The following PSMC5 variants were observed in gnomAD, a reference collection of about 807,000 sequenced individuals.
The protein encoded by PSMC5 is proteasome 26S subunit, ATPase 5, also known as 26S proteasome regulatory subunit 8.
PSMC5 carries 11 observed loss-of-function variants against 49.1 expected under a neutral mutation model. The observed-to-expected ratio is 0.22, with a 90% confidence interval of 0.14 to 0.37. PSMC5 has a LOEUF of 0.37. PSMC5 is among the 10% of genes least tolerant of loss of function. The pLI, the probability that PSMC5 is intolerant of heterozygous loss-of-function variation, is 1.00. For missense variants in PSMC5, 229 were observed against 520.9 expected (o/e 0.44, Z 5.45); for synonymous variants, 206 against 192.2 (o/e 1.07, Z -0.59).
At chr17:63,829,387 C>T in intron 2 of PSMC5, 107 bp from the exon 3 acceptor site, 1 of 962,278 alleles carries the variant, frequency 1.0e-6, no homozygotes, top group East Asian at 2.6e-5. Flanking sequence ...TGCAGGTGCC[C>T]TGTGCCCTTC....
At chr17:63,829,379 C>T in intron 2 of PSMC5, 115 bp from the exon 3 acceptor site, 1 of 861,048 alleles carries the variant, frequency 1.2e-6, no homozygotes, top group Non-Finnish European at 1.9e-6. Context: ...AAACAACATG[C>T]AGGTGCCCTG....
intron 1 of PSMC5, chr17:63,827,772 G>A: frequency 1.4e-6 from 2 of 1,432,246 alleles, no homozygotes; most frequent in Non-Finnish European, 1.8e-6. Flanking sequence ...CCGGCCCACG[G>A]GTCGCAGGAG....
In PSMC5 at chr17:63,830,684, C is replaced by G. The variant is rs2040172481; in HGVS notation, c.553-125C>G. ...GGTGAGGTGGTTTGGATAGAAGGGA[C>G]CTTGATGTTCCTTTTTTTTTTTTGT... On this transcript the variant is annotated intron_variant, in intron 6 of 11. Coordinates refer to ENST00000310144, the MANE Select transcript of PSMC5 (RefSeq NM_002805.6). This position sits in a 1 kb window ranked among gnomAD's most constrained non-coding sequence, Gnocchi z 4.0. The G allele has an allele frequency of 7.2e-7, 1 of 1,394,910 alleles. No homozygotes were observed. The highest frequency in any genetic ancestry group is 2.0e-5 in the African/African-American group (1 of 49,356). 86.4% of individuals were successfully genotyped at this position (1,394,910 alleles called of 1,614,324 possible).
Position 63,831,701 on chromosome 17 carries a change from C to T in PSMC5, c.1081-23C>T, listed in dbSNP as rs767295452. On this transcript the variant is annotated intron_variant, in intron 10 of 11. Coordinates refer to ENST00000310144, the MANE Select transcript of PSMC5 (RefSeq NM_002805.6). The surrounding 1 kb of genome is among the most constrained non-coding windows in gnomAD (Gnocchi z 6.3). ...CAGATGAGGGGCACAGCAGTGGGGC[C>T]TCAATTTCCTTTTCCTGTTCAGGGC... 5 of 1,613,974 alleles carry T rather than the reference C, an allele frequency of 3.1e-6. No homozygotes were observed. Among genetic ancestry groups the T allele is most frequent in the South Asian group, 1.1e-5 (1 of 91,088 alleles).
rs188082809 is a variant in PSMC5 at position 63,829,429 on chromosome 17, C to G, written c.97-65C>G. 1.5e-3 allele frequency: 2,243 copies of G among 1,483,950 alleles called. 44 individuals are homozygous for G. The Admixed American group carries it at 0.041, about 27-fold the overall frequency. 91.9% of individuals were successfully genotyped at this position (1,483,950 alleles called of 1,614,324 possible). On this transcript the variant is annotated intron_variant, in intron 2 of 11. Coordinates refer to ENST00000310144, the MANE Select transcript of PSMC5 (RefSeq NM_002805.6). ...CTCATTCAGACCTGTGAGGTCTTGG[C>G]CAAGATCCTACCTCCTCCTGTCTCC...
At chr17:63,828,295 A>G (rs2040137287) in intron 2 of PSMC5, 86 bp downstream of exon 2, 2 of 1,354,970 alleles carry the variant, frequency 1.5e-6, no homozygotes, top group Non-Finnish European at 2.1e-6. Context: ...TTCCTTTGGG[A>G]GTGCAGTGGA....
At chr17:63,829,798 C>T (rs895987942) in intron 3 of PSMC5, 54 bp from the exon 4 acceptor site, 4 of 1,566,908 alleles carry the variant, frequency 2.6e-6, no homozygotes, top group African/African-American at 1.4e-5. Flanking sequence ...AGAATTGGGT[C>T]CTGGAGACTC....
Position 63,829,900 on chromosome 17 carries a change from A to T in PSMC5, c.215A>T (p.Tyr72Phe). Residue 72 changes from tyrosine (Y) to phenylalanine (F), a missense_variant, in exon 4 of 12, where the codon TAT (tyrosine) becomes TTT (phenylalanine). By Grantham distance (22) the Tyr-to-Phe change is conservative (BLOSUM62 3). Coordinates refer to ENST00000310144, the MANE Select transcript of PSMC5 (RefSeq NM_002805.6). ...ELQLLQEQGS[Y>F]VGEVVRAMDK... ...CAGCTGCTGCAGGAGCAGGGCTCCT[A>T]TGTGGGGGAAGTAGTCCGGGCCATG... 1 of 1,613,716 alleles carries T rather than the reference A, an allele frequency of 6.2e-7. No individual in the cohort carries two copies. Among genetic ancestry groups the T allele is most frequent in the Non-Finnish European group, 8.5e-7 (1 of 1,179,852 alleles).
At position 63,827,463 on chromosome 17, in the gene PSMC5, T is replaced by G; in HGVS notation, c.-28T>G. ...CGCTTGCGCGCCAAGACGGCTCGGA[T>G]GCCGGCGGTCTCTGCTGAAGAGAGA... On this transcript the variant is annotated 5_prime_UTR_variant, in exon 1 of 12. It removes an upstream start codon present in the reference 5' UTR. Coordinates refer to ENST00000310144, the MANE Select transcript of PSMC5 (RefSeq NM_002805.6). 6.4e-7 allele frequency: 1 copy of G among 1,551,730 alleles called. No individual in the cohort carries two copies. The highest frequency in any genetic ancestry group is 8.7e-7 in the Non-Finnish European group (1 of 1,147,006).
rs2040169041 is a variant in PSMC5, at chr17:63,830,454, G to A, written c.505G>A (p.Val169Ile). 1 of 1,614,082 alleles carries A rather than the reference G, an allele frequency of 6.2e-7. No homozygotes were observed. Among genetic ancestry groups the A allele is most frequent in the African/African-American group, 1.3e-5 (1 of 74,948 alleles). ...GATCAAAGAAGTGATCGAGCTGCCT[G>A]TTAAGCATCCTGAGCTCTTCGAAGC... is the stretch of plus-strand genomic sequence containing the variant. Reference protein sequence around the residue: ...KEIKEVIELPVKHPELFEALG... With the variant: ...KEIKEVIELPIKHPELFEALG... Residue 169 changes from valine to isoleucine, a missense_variant, in exon 6 of 12, where the codon GTT becomes ATT. Val to Ile is a conservative substitution (Grantham distance 29). Transcript: ENST00000310144. This position sits in a 1 kb window ranked among gnomAD's most constrained non-coding sequence, Gnocchi z 4.0.
intron 3 of PSMC5, 93 bp downstream of exon 3, chr17:63,829,656 G>A: frequency 7.4e-7 from 1 of 1,352,076 alleles, no homozygotes; most frequent in South Asian, 1.3e-5. Flanking sequence ...AGTGCTTACT[G>A]TTTTCTCCCT....
At chr17:63,829,339 A>C in intron 2 of PSMC5, 155 bp from the exon 3 acceptor site, 1 of 672,734 alleles carries the variant, frequency 1.5e-6, no homozygotes, top group South Asian at 1.8e-5. Flanking sequence ...AGGACAGGGC[A>C]GGGTCATTAG....
At chr17:63,828,688 C>T (rs2040142861) in intron 2 of PSMC5, 1 of 157,138 alleles carries the variant, frequency 6.4e-6, no homozygotes, top group Non-Finnish European at 1.4e-5. Context: ...AGCGCTAAAC[C>T]ATAGAAAAAG....
Position 63,829,915 on chromosome 17 carries a change from T to A in PSMC5, c.230T>A (p.Val77Asp), listed in dbSNP as rs559656206. 1 of 1,613,106 alleles carries A rather than the reference T, an allele frequency of 6.2e-7. No homozygotes were observed. Among genetic ancestry groups the A allele is most frequent in the African/African-American group, 1.3e-5 (1 of 74,956 alleles). ...CAGGGCTCCTATGTGGGGGAAGTAG[T>A]CCGGGCCATGGATAAGAAGAAAGTG... ...QEQGSYVGEVVRAMDKKKVLV... is the reference protein window; with the variant it reads ...QEQGSYVGEVDRAMDKKKVLV... Residue 77 changes from valine to aspartate, a missense_variant, in exon 4 of 12, where the codon GTC becomes GAC. Physicochemically the swap from Val to Asp is radical, Grantham distance 152. Transcript: ENST00000310144.
Position 63,830,581 on chromosome 17 carries a change from G to A in PSMC5, c.552+80G>A, listed in dbSNP as rs953219036. On this transcript the variant is annotated intron_variant, in intron 6 of 11. Transcript: ENST00000310144. The surrounding 1 kb of genome is among the most constrained non-coding windows in gnomAD (Gnocchi z 4.0). ...AGCCAGCCCTACTGCAGGGGTTGGGGAGGCACCGGGATAGGCTGCATCTTG... is the reference window on the plus strand; with the variant it reads ...AGCCAGCCCTACTGCAGGGGTTGGGAAGGCACCGGGATAGGCTGCATCTTG... 1.6e-5 allele frequency: 25 copies of A among 1,552,260 alleles called. No homozygotes were observed. The highest frequency in any genetic ancestry group is 2.2e-5 in the Non-Finnish European group (25 of 1,151,708).
intron 3 of PSMC5, 140 bp downstream of exon 3, chr17:63,829,703 C>G (rs990745304): frequency 8.2e-7 from 1 of 1,212,636 alleles, no homozygotes; most frequent in Admixed American, 2.1e-5. Flanking sequence ...TCTCTTTTTC[C>G]TGAGCCCTAT....
At chr17:63,828,499 C>A in intron 2 of PSMC5, 1 of 287,896 alleles carries the variant, frequency 3.5e-6, no homozygotes, top group Non-Finnish European at 6.6e-6. Context: ...TGGAAGAAGC[C>A]CGAATGAAAA....
Position 63,831,896 on chromosome 17 carries a change from A to G in PSMC5, c.1168-20A>G. 6 of 1,613,526 alleles carry G rather than the reference A, an allele frequency of 3.7e-6. No homozygotes were observed. Among genetic ancestry groups the G allele is most frequent in the Non-Finnish European group, 5.1e-6 (6 of 1,179,470 alleles). On this transcript the variant is annotated intron_variant, in intron 11 of 11. Coordinates refer to ENST00000310144, the MANE Select transcript of PSMC5 (RefSeq NM_002805.6). This position sits in a 1 kb window ranked among gnomAD's most constrained non-coding sequence, Gnocchi z 6.3. Reference sequence around the variant, plus strand: ...TGTGTGTGTTCGTAACTTAATGTTCATTCTCTCTCCCACCCCTAGGTCATG... The same window carrying G: ...TGTGTGTGTTCGTAACTTAATGTTCGTTCTCTCTCCCACCCCTAGGTCATG...
chr17:63,831,085 A>G lies in PSMC5; in HGVS notation c.729A>G (p.Pro243=), dbSNP rs1309793747. ...ELFVMAREHA[P]SIIFMDEIDS... ...TTGTCATGGCACGGGAACATGCTCC[A>G]TCTATCATCTTCATGGACGAAATCG... The change falls in exon 8 of 12, where the codon CCA becomes CCG. Residue 243 remains proline, a synonymous_variant. Transcript: ENST00000310144. The surrounding 1 kb of genome is among the most constrained non-coding windows in gnomAD (Gnocchi z 6.3). 1 of 1,568,270 alleles carries G rather than the reference A, an allele frequency of 6.4e-7. No homozygotes were observed. Among genetic ancestry groups the G allele is most frequent in the Non-Finnish European group, 8.6e-7 (1 of 1,156,800 alleles).
Sources: allele counts gnomAD v4.1 joint callset, GRCh38; gene constraint gnomAD v4.1.1; non-coding constraint Gnocchi (gnomAD v3.1); transcripts MANE v1.5; gene names NCBI Gene and HGNC (gene_info 2026-07-23, HGNC 2026-07-21).